The following CTRC variants were observed in gnomAD, a reference collection of about 807,000 sequenced individuals.
CTRC encodes chymotrypsin C.
In CTRC, 32 loss-of-function variants were observed where a neutral mutation model predicts 35.7. That is an observed-to-expected ratio of 0.90 (90% CI 0.68 to 1.20). The LOEUF (loss-of-function observed/expected upper bound fraction) is 1.20, where lower values mean the gene tolerates loss of function less well. Among genes scored for constraint, CTRC ranks in the 50% most tolerant of loss-of-function variants. The pLI is 0.00. For synonymous variants in CTRC, 119 were observed against 149.5 expected, an observed-to-expected ratio of 0.80 and a Z score of 1.49; for missense variants, 324 against 361.5, an observed-to-expected ratio of 0.90 and a Z score of 0.84.
In CTRC at chr1:15,447,160, C is replaced by G. The variant is rs1708234821; in HGVS notation, c.*571C>G. 1 of 217,296 alleles carries G rather than the reference C, an allele frequency of 4.6e-6. No individual in the cohort carries two copies. The highest frequency in any genetic ancestry group is 2.3e-5 in the African/African-American group (1 of 43,392). The allele number at this position is 217,296 out of a possible 1,614,324, so 13.5% of individuals were successfully genotyped here. A position where few individuals can be genotyped will look rare whatever the true frequency, so the allele number is the denominator to read the frequency against. On this transcript the variant is annotated 3_prime_UTR_variant, in exon 8 of 8. Coordinates refer to ENST00000375949, the MANE Select transcript of CTRC (RefSeq NM_007272.3). ...CCCTAGCAGGGACCCCCCACCCCCA[C>G]CCCGCAGCACAGACCCCATGGCTGC...
Position 15,445,635 on chromosome 1 carries a change from C to T in CTRC, c.678C>T (p.Asn226=), listed in dbSNP as rs777608312. The change falls in exon 7 of 8, where the codon AAC becomes AAT. Residue 226 remains asparagine (N), a synonymous_variant. Transcript: ENST00000375949. Reference sequence around the variant, plus strand: ...GCCCACTGAACTGCCAGTTGGAGAACGGTTCCTGGGAGGTGTTTGGCATCG... The same window carrying T: ...GCCCACTGAACTGCCAGTTGGAGAATGGTTCCTGGGAGGTGTTTGGCATCG... ...SGGPLNCQLE[N]GSWEVFGIVS... The T allele has an allele frequency of 5.1e-5, 83 of 1,614,078 alleles. No homozygotes were observed. Among genetic ancestry groups the T allele is most frequent in the Non-Finnish European group, 6.7e-5 (79 of 1,180,034 alleles).
intron 1 of CTRC, among the ~76,000 whole-genome samples, chr1:15,439,445 A>T (rs967422823): frequency 6.6e-6 from 1 of 151,532 alleles, no homozygotes; most frequent in African/African-American, 2.4e-5. Context: ...AAAAAGAAAA[A>T]GAAAGAAAAA....
Position 15,442,474 on chromosome 1 carries a change from G to A in CTRC, c.258G>A (p.Val86=). 1.2e-6 allele frequency: 2 copies of A among 1,614,062 alleles called. No individual in the cohort carries two copies. Among genetic ancestry groups the A allele is most frequent in the Non-Finnish European group, 1.7e-6 (2 of 1,179,982 alleles). ...ACACCCGGACCTACCGTGTGGCCGT[G>A]GGAAAGAACAACCTGGAGGTGGAAG... ...ISNTRTYRVA[V]GKNNLEVEDE... The change falls in exon 4 of 8, where the codon GTG becomes GTA. Residue 86 remains valine, a synonymous_variant. Coordinates refer to ENST00000375949, the MANE Select transcript of CTRC (RefSeq NM_007272.3).
chr1:15,446,235 C>T (rs1413973193), intron 7 of CTRC, among the ~76,000 whole-genome samples: 1 of 152,264 alleles, frequency 6.6e-6, no homozygotes, highest in Non-Finnish European at 1.5e-5. Flanking sequence ...CCCATCCAGG[C>T]CCCACACCAG....
intron 6 of CTRC, 73 bp from the exon 7 acceptor site, chr1:15,445,524 C>A: frequency 6.5e-7 from 1 of 1,538,708 alleles, no homozygotes; most frequent in Non-Finnish European, 9.0e-7. Flanking sequence ...TCCCCCACCC[C>A]AACCCAGTCC....
chr1:15,446,896 T>C lies in CTRC; in HGVS notation c.*307T>C. The C allele has an allele frequency of 1.9e-6, 1 of 518,946 alleles. No individual in the cohort carries two copies. The highest frequency in any genetic ancestry group is 3.5e-6 in the Non-Finnish European group (1 of 286,670). The allele number at this position is 518,946 out of a possible 1,614,324, so 32.1% of individuals were successfully genotyped here. ...TGCGTGAAGCCGGAGGGGATGGGAGTGAAGGACGCATCAGACACCTTCCCC... is the reference window on the plus strand; with the variant it reads ...TGCGTGAAGCCGGAGGGGATGGGAGCGAAGGACGCATCAGACACCTTCCCC... On this transcript the variant is annotated 3_prime_UTR_variant, in exon 8 of 8. Coordinates refer to ENST00000375949, the MANE Select transcript of CTRC (RefSeq NM_007272.3).
intron 5 of CTRC, 99 bp downstream of exon 5, chr1:15,443,654 A>T: frequency 3.5e-6 from 5 of 1,436,626 alleles, no homozygotes; most frequent in Non-Finnish European, 4.9e-6. Flanking sequence ...TCACATTTTC[A>T]TGTCTTTGTA....
chr1:15,446,575 A>G lies in CTRC; in HGVS notation c.793A>G (p.Lys265Glu). 6.2e-7 allele frequency: 1 copy of G among 1,614,212 alleles called. No homozygotes were observed. The highest frequency in any genetic ancestry group is 8.5e-7 in the Non-Finnish European group (1 of 1,180,024). The change falls in exon 8 of 8, where the codon AAA becomes GAA. Residue 265 changes from lysine (K) to glutamate (E), a missense_variant and splice_region_variant. Lys to Glu is a moderately conservative substitution (Grantham distance 56, BLOSUM62 1). Transcript: ENST00000375949. ...CTCACACTGTTCTCTGCTCCTCCAG[A>G]AAATGCAGCTGTGATTTGTTGCTGG... ...VSAYIDWINE[K>E]MQL
At chr1:15,440,226 GCC>G in intron 1 of CTRC, 72 bp from the exon 2 acceptor site, 3 of 523,578 alleles carry the variant, frequency 5.7e-6, no homozygotes, top group Non-Finnish European at 7.3e-6. Flanking sequence ...TCTTCCACCT[GCC>G]CACCCTCCCA....
At chr1:15,442,756 TC>T (rs1332673552) in intron 4 of CTRC, among the ~76,000 whole-genome samples, 184 bp downstream of exon 4, 1 of 150,272 alleles carries the variant, frequency 6.7e-6, no homozygotes, top group South Asian at 2.1e-4. Context: ...CCCCCTCATA[TC>T]CCCCTCATTG....
intron 3 of CTRC, among the ~76,000 whole-genome samples, chr1:15,441,989 G>C (rs10436954): frequency 0.2 from 30,914 of 151,998 alleles, 3,293 homozygotes; most frequent in Middle Eastern, 0.23. Context: ...CAATCCCCCC[G>C]TCTCGGCTTC....
At chr1:15,442,380 C>A in intron 3 of CTRC, 67 bp from the exon 4 acceptor site, 2 of 1,557,292 alleles carry the variant, frequency 1.3e-6, no homozygotes, top group South Asian at 1.2e-5. Context: ...GCCCCGAGCT[C>A]CCTCTCTATC....
At chr1:15,444,884 G>A in intron 6 of CTRC, 133 bp downstream of exon 6, 1 of 1,144,934 alleles carries the variant, frequency 8.7e-7, no homozygotes, top group Non-Finnish European at 1.3e-6. Flanking sequence ...AGCAGGCTCA[G>A]GGTAAGCCCA....
intron 3 of CTRC, among the ~76,000 whole-genome samples, chr1:15,441,875 G>T (rs967675984): frequency 1.5e-4 from 23 of 151,670 alleles, no homozygotes; most frequent in Non-Finnish European, 2.2e-4. Context: ...TTGTTTGTTT[G>T]TTTTTTAACT....
At chr1:15,439,440 GAAAA>G (rs1179243761) in intron 1 of CTRC, among the ~76,000 whole-genome samples, 1 of 144,800 alleles carries the variant, frequency 6.9e-6, no homozygotes, top group Admixed American at 6.9e-5. Context: ...AAAAAAAAAA[GAAAA>G]AGAAAGAAAA....
Position 15,444,743 on chromosome 1 carries a change from G to A in CTRC, c.631G>A (p.Ala211Thr), listed in dbSNP as rs747965069. Residue 211 changes from alanine (A) to threonine (T), a missense_variant, in exon 6 of 8, where the codon GCC (alanine) becomes ACC (threonine). By Grantham distance (58) the Ala-to-Thr change is moderately conservative. Coordinates refer to ENST00000375949, the MANE Select transcript of CTRC (RefSeq NM_007272.3). ...CGCTGGGGGCGATGGCGTCATCTCA[G>A]CCTGCAATGTGAGTGGCTAGGTTCT... is the stretch of plus-strand genomic sequence containing the variant. ...VCAGGDGVISACNGDSGGPLN... is the reference protein window; with the variant it reads ...VCAGGDGVISTCNGDSGGPLN... 4.3e-6 allele frequency: 7 copies of A among 1,614,086 alleles called. No homozygotes were observed. In the Admixed American group the frequency reaches 8.3e-5, roughly 19 times the overall value.
At chr1:15,443,949 A>G (rs959232625) in intron 5 of CTRC, among the ~76,000 whole-genome samples, 2 of 152,158 alleles carry the variant, frequency 1.3e-5, no homozygotes, top group Non-Finnish European at 2.9e-5. Flanking sequence ...GCAGATCACT[A>G]TTTAGAAAAT....
At position 15,439,584 on chromosome 1, in the gene CTRC, C is replaced by T. The variant is rs1011275625; in HGVS notation, c.41-716C>T. On this transcript the variant is annotated intron_variant, in intron 1 of 7. Transcript: ENST00000375949. ...AGAATTTGAGTCCACGTCTGTCTCGCGGAACAGCACGTGTTCTTGACCGCT... is the reference window on the plus strand; with the variant it reads ...AGAATTTGAGTCCACGTCTGTCTCGTGGAACAGCACGTGTTCTTGACCGCT... Among the ~76,000 whole-genome samples the T allele has an allele frequency of 6.6e-5, 10 of 152,254 alleles. No individual in the cohort carries two copies. In the South Asian group the frequency reaches 1.0e-3, roughly 16 times the overall value.
chr1:15,446,917 T>G lies in CTRC; in HGVS notation c.*328T>G. 1 of 470,428 alleles carries G rather than the reference T, an allele frequency of 2.1e-6. No individual in the cohort carries two copies. The allele number at this position is 470,428 out of a possible 1,614,324, so 29.1% of individuals were successfully genotyped here. A position where few individuals can be genotyped will look rare whatever the true frequency, so the allele number is the denominator to read the frequency against. ...GGAGTGAAGGACGCATCAGACACCT[T>G]CCCCGCTCCATCTCACAAGCTGCGA... On this transcript the variant is annotated 3_prime_UTR_variant, in exon 8 of 8. Transcript: ENST00000375949.
Sources: gnomAD v4.1 joint callset for allele counts (sites outside exome capture counted in the v4.1 genomes callset) on GRCh38, gnomAD v4.1.1 for gene constraint, MANE v1.5 for transcripts, NCBI Gene and HGNC (gene_info 2026-07-23, HGNC 2026-07-21) for gene names.